PTPRD: variants seen among roughly 807,000 people sequenced by gnomAD.
PTPRD encodes protein tyrosine phosphatase receptor type D.
Under a neutral mutation model 214.5 loss-of-function variants are expected in PTPRD, and 34 were observed. The observed-to-expected ratio is 0.16, with a 90% CI of 0.12 to 0.21. The LOEUF is 0.21. Among genes scored for constraint, PTPRD ranks in the 10% least tolerant of loss-of-function variants. PTPRD has a pLI of 1.00. For missense variants in PTPRD, 2,545 were observed against 2,398.7 expected, an observed-to-expected ratio of 1.06 and a Z score of -1.27; for synonymous variants, 1,128 against 845.7, an observed-to-expected ratio of 1.33 and a Z score of -5.79.
chr9:9,382,138 C>A (rs115108998), intron 9 of PTPRD, among the ~76,000 whole-genome samples: 2 of 148,192 alleles, frequency 1.3e-5, no homozygotes, highest in African/African-American at 4.9e-5. Context: ...CTTTTTTGTG[C>A]TATTGTAAAT....
rs188247098 is a variant in PTPRD, at chr9:10,566,558, A to G, written c.-600+45840T>C. The stretch of plus-strand genomic sequence containing the variant: ...TAAGGTGGTTGTTTTTCTGATTTGT[A>G]GGAGTTCTATGTTCTGTATATTAGT... On this transcript the variant is annotated intron_variant, in intron 2 of 45. Coordinates refer to ENST00000381196, the MANE Select transcript of PTPRD (RefSeq NM_002839.4). Among the ~76,000 whole-genome samples the G allele has an allele frequency of 1.9e-3, 295 of 152,078 alleles. 2 individuals carry two copies. The highest frequency in any genetic ancestry group is 6.9e-3 in the African/African-American group (286 of 41,530).
At chr9:9,877,061 C>T (rs544618554) in intron 5 of PTPRD, among the ~76,000 whole-genome samples, 8 of 152,168 alleles carry the variant, frequency 5.3e-5, no homozygotes, top group South Asian at 2.1e-4. Flanking sequence ...TGCCTGAATG[C>T]TACAGAATTC....
chr9:8,413,830 G>T (rs183901067), intron 35 of PTPRD, among the ~76,000 whole-genome samples: 198 of 152,090 alleles, frequency 1.3e-3, no homozygotes, highest in African/African-American at 4.1e-3. Context: ...TAAACTAAAA[G>T]ATTACTCTCA....
chr9:8,448,161 C>T (rs1279972595), intron 34 of PTPRD, among the ~76,000 whole-genome samples: 1 of 151,056 alleles, frequency 6.6e-6, no homozygotes. Flanking sequence ...TCCACCTCCA[C>T]AAAAATAAAA....
chr9:8,486,279 C>G lies in PTPRD; in HGVS notation c.2538G>C (p.Pro846=), dbSNP rs148166873. The part of the protein sequence containing the change: ...MNTALIQWHP[P]VDTFGPLQGY... Reference sequence around the variant, plus strand: ...CCTGAAGAGGTCCAAATGTGTCCACCGGAGGGTGCCACTGAATAAGAGCAG... The same window carrying G: ...CCTGAAGAGGTCCAAATGTGTCCACGGGAGGGTGCCACTGAATAAGAGCAG... The change falls in exon 28 of 46, where the codon CCG becomes CCC. Residue 846 remains proline (P), a synonymous_variant. Transcript: ENST00000381196. 6.2e-7 allele frequency: 1 copy of G among 1,614,126 alleles called. No individual in the cohort carries two copies. The highest frequency in any genetic ancestry group is 1.3e-5 in the African/African-American group (1 of 75,026).
intron 39 of PTPRD, among the ~76,000 whole-genome samples, chr9:8,350,251 G>T (rs939318294): frequency 1.3e-5 from 2 of 152,120 alleles, no homozygotes; most frequent in Non-Finnish European, 2.9e-5. Flanking sequence ...TCTGATTAAT[G>T]TGGTGGAGTT....
At chr9:9,491,605 C>A (rs2095901247) in intron 8 of PTPRD, among the ~76,000 whole-genome samples, 1 of 151,894 alleles carries the variant, frequency 6.6e-6, no homozygotes. Flanking sequence ...CAAACCACAA[C>A]AGGATAAATT....
chr9:10,331,046 G>A (rs1191353469), intron 3 of PTPRD, among the ~76,000 whole-genome samples: 1 of 151,654 alleles, frequency 6.6e-6, no homozygotes, highest in Non-Finnish European at 1.5e-5. Flanking sequence ...CTTCCTAATG[G>A]TTCAGCTGAC....
At chr9:9,915,118 T>C (rs2080327841) in intron 5 of PTPRD, among the ~76,000 whole-genome samples, 1 of 152,122 alleles carries the variant, frequency 6.6e-6, no homozygotes, top group Admixed American at 6.5e-5. Context: ...GCAAATGCCT[T>C]TAGCATGGGT....
intron 8 of PTPRD, among the ~76,000 whole-genome samples, chr9:9,429,789 C>T (rs2082359430): frequency 6.6e-6 from 1 of 151,998 alleles, no homozygotes. Context: ...GAACAGAACC[C>T]AAGACAAAAC....
chr9:9,570,828 T>C (rs1464146947), intron 8 of PTPRD, among the ~76,000 whole-genome samples: 1 of 151,488 alleles, frequency 6.6e-6, no homozygotes, highest in Non-Finnish European at 1.5e-5. Context: ...CTGAAACAAA[T>C]CCCAAGCTCT....
chr9:9,582,506 GA>G (rs1387806018), intron 7 of PTPRD, among the ~76,000 whole-genome samples: 1 of 151,900 alleles, frequency 6.6e-6, no homozygotes. Context: ...ATTATTTCTT[GA>G]ATCTGAGAGA....
chr9:9,511,559 A>G (rs1273813055), intron 8 of PTPRD, among the ~76,000 whole-genome samples: 3 of 151,800 alleles, frequency 2.0e-5, no homozygotes, highest in Non-Finnish European at 2.9e-5. Context: ...GATTTTTATG[A>G]AAATTTACAA....
chr9:8,332,140 T>C (rs1251230983), intron 43 of PTPRD, among the ~76,000 whole-genome samples: 1 of 152,138 alleles, frequency 6.6e-6, no homozygotes, highest in Admixed American at 6.6e-5. Context: ...ATTTCAAAAA[T>C]TTCAGAAACT....
At chr9:9,076,757 T>A (rs895184868) in intron 10 of PTPRD, among the ~76,000 whole-genome samples, 2 of 151,736 alleles carry the variant, frequency 1.3e-5, no homozygotes, top group African/African-American at 4.8e-5. Flanking sequence ...GCAATAAACA[T>A]GGAAGTGCAG....
chr9:8,913,295 C>T (rs2098760736), intron 11 of PTPRD, among the ~76,000 whole-genome samples: 1 of 152,024 alleles, frequency 6.6e-6, no homozygotes, highest in East Asian at 1.9e-4. Context: ...TAAGATAAAA[C>T]GTGAGTATTC....
intron 9 of PTPRD, among the ~76,000 whole-genome samples, chr9:9,382,054 C>CCAT (rs1347671631): frequency 2.6e-5 from 4 of 152,060 alleles, no homozygotes; most frequent in Non-Finnish European, 4.4e-5. Context: ...TACATTTCTA[C>CCAT]CATCAATGCT....
intron 8 of PTPRD, among the ~76,000 whole-genome samples, chr9:9,405,611 G>C (rs2072981104): frequency 6.6e-6 from 1 of 152,000 alleles, no homozygotes; most frequent in Admixed American, 6.6e-5. Flanking sequence ...CTTTAGCTAA[G>C]TTATAGTTCG....
At chr9:8,895,521 G>T (rs1231123063) in intron 11 of PTPRD, among the ~76,000 whole-genome samples, 1 of 152,070 alleles carries the variant, frequency 6.6e-6, no homozygotes, top group East Asian at 1.9e-4. Flanking sequence ...AGATTTTTCA[G>T]GGAAGTCCAA....
Sources: gnomAD v4.1 joint callset for allele counts (sites outside exome capture counted in the v4.1 genomes callset) on GRCh38, gnomAD v4.1.1 for gene constraint, MANE v1.5 for transcripts, NCBI Gene and HGNC (gene_info 2026-07-23, HGNC 2026-07-21) for gene names.